Variants in R3HCC1L observed in about 807,000 individuals in gnomAD.
The protein encoded by R3HCC1L is coiled-coil domain-containing protein R3HCC1L.
R3HCC1L carries 51 observed loss-of-function variants against 59.9 expected under a neutral mutation model. The observed-to-expected ratio is 0.85, with a 90% CI of 0.68 to 1.07. The LOEUF (loss-of-function observed/expected upper bound fraction) is 1.07, where lower values mean the gene tolerates loss of function less well. Ranked by LOEUF, R3HCC1L falls within the 50% of genes least tolerant of loss-of-function variation. R3HCC1L has a pLI of 0.00. For missense variants in R3HCC1L, 965 were observed against 933.0 expected, an observed-to-expected ratio of 1.03 and a Z score of -0.45; for synonymous variants, 322 against 315.2, an observed-to-expected ratio of 1.02 and a Z score of -0.23.
At chr10:98,191,992 T>G (rs759714444) in intron 4 of R3HCC1L, among the ~76,000 whole-genome samples, 11 of 152,126 alleles carry the variant, frequency 7.2e-5, no homozygotes, top group Non-Finnish European at 1.5e-4. Flanking sequence ...GCCTGGCTAA[T>G]TTTTGTACCT....
At chr10:98,149,926 A>G (rs947784268) in intron 1 of R3HCC1L, among the ~76,000 whole-genome samples, 3 of 152,082 alleles carry the variant, frequency 2.0e-5, no homozygotes, top group South Asian at 2.1e-4. Flanking sequence ...GAAGACCCCT[A>G]TTGTTACTGT....
intron 7 of R3HCC1L, 82 bp from the exon 8 acceptor site, chr10:98,235,343 G>A: frequency 1.7e-6 from 2 of 1,167,232 alleles, no homozygotes; most frequent in African/African-American, 1.5e-5. Context: ...ATAACATCTA[G>A]GAAATACTAA....
intron 1 of R3HCC1L, among the ~76,000 whole-genome samples, chr10:98,141,118 C>G (rs1845096251): frequency 6.6e-6 from 1 of 152,102 alleles, no homozygotes; most frequent in Non-Finnish European, 1.5e-5. Context: ...GATGCTGTAA[C>G]TATTTGTGGC....
In R3HCC1L at chr10:98,208,288, A is replaced by C; in HGVS notation, c.174A>C (p.Gln58His). The C allele has an allele frequency of 5.6e-6, 9 of 1,614,164 alleles. No homozygotes were observed. Among genetic ancestry groups the C allele is most frequent in the Non-Finnish European group, 7.6e-6 (9 of 1,180,020 alleles). Residue 58 changes from glutamine to histidine, a missense_variant, in exon 5 of 10, where the codon CAA (glutamine) becomes CAC (histidine). Transcript: ENST00000298999. ...KEKQKESSLS[Q>H]KEVFKDKPEA... ...AGCAAAAAGAAAGTTCTCTCTCCCA[A>C]AAAGAAGTCTTTAAAGACAAACCGG...
intron 4 of R3HCC1L, among the ~76,000 whole-genome samples, chr10:98,164,872 C>G (rs754919883): frequency 6.6e-6 from 1 of 152,206 alleles, no homozygotes; most frequent in East Asian, 1.9e-4. Context: ...TTGTTGGGTT[C>G]TGCTAATACA....
chr10:98,215,006 G>T (rs1854004757), intron 5 of R3HCC1L, among the ~76,000 whole-genome samples: 1 of 152,190 alleles, frequency 6.6e-6, no homozygotes, highest in Non-Finnish European at 1.5e-5. Flanking sequence ...GCTAAAGTAA[G>T]TTCATGCCAG....
chr10:98,154,178 T>C (rs372224720), intron 1 of R3HCC1L, among the ~76,000 whole-genome samples: 1 of 13,856 alleles, frequency 7.2e-5, no homozygotes, highest in African/African-American at 3.4e-4. Context: ...GAGCAGAGAA[T>C]AAGCAAAAAA....
chr10:98,236,154 A>T lies in R3HCC1L; in HGVS notation c.2259A>T (p.Gln753His), dbSNP rs764696583. ...GAGAAGCAGAGCTCAAGAAACTGCAAGAAGCCAGAGGTGAGCTGAAAGGGT... is the reference window on the plus strand; with the variant it reads ...GAGAAGCAGAGCTCAAGAAACTGCATGAAGCCAGAGGTGAGCTGAAAGGGT... ...TEREAELKKL[Q>H]EARERKRLEA... The change falls in exon 9 of 10, where the codon CAA becomes CAT. Residue 753 changes from glutamine to histidine, a missense_variant. By Grantham distance (24) the Gln-to-His change is conservative (BLOSUM62 0). Transcript: ENST00000298999. The T allele has an allele frequency of 6.2e-7, 1 of 1,613,814 alleles. No individual in the cohort carries two copies. The highest frequency in any genetic ancestry group is 1.1e-5 in the South Asian group (1 of 91,078).
chr10:98,235,920 C>T, intron 8 of R3HCC1L, 104 bp from the exon 9 acceptor site: 1 of 1,284,560 alleles, frequency 7.8e-7, no homozygotes. Flanking sequence ...CTGATGCAGC[C>T]CTTGTTAGTC....
intron 4 of R3HCC1L, among the ~76,000 whole-genome samples, chr10:98,167,161 A>G (rs1848035784): frequency 6.6e-6 from 1 of 151,962 alleles, no homozygotes; most frequent in Non-Finnish European, 1.5e-5. Flanking sequence ...CGTTCAGGAC[A>G]TGATTCTTCT....
At chr10:98,183,710 C>G (rs1363759360) in intron 4 of R3HCC1L, among the ~76,000 whole-genome samples, 1 of 151,972 alleles carries the variant, frequency 6.6e-6, no homozygotes, top group Non-Finnish European at 1.5e-5. Context: ...CTGAGACTGT[C>G]TTGGTCTTCT....
Position 98,209,739 on chromosome 10 carries a change from G to A in R3HCC1L, c.1625G>A (p.Gly542Asp). Residue 542 changes from glycine to aspartate, a missense_variant, in exon 5 of 10, where the codon GGT (glycine) becomes GAT (aspartate). Physicochemically the swap from Gly to Asp is moderately conservative, Grantham distance 94. Coordinates refer to ENST00000298999, the MANE Select transcript of R3HCC1L (RefSeq NM_001351015.2). ...GATGACTCAGGGAGTATAGAATTTG[G>A]TGTATCTTTTCCTGATAGGGAATCA... ...EQDDSGSIEFGVSFPDRESSS... is the reference protein window; with the variant it reads ...EQDDSGSIEFDVSFPDRESSS... 1 of 1,613,870 alleles carries A rather than the reference G, an allele frequency of 6.2e-7. No individual in the cohort carries two copies. The highest frequency in any genetic ancestry group is 8.5e-7 in the Non-Finnish European group (1 of 1,179,878).
intron 1 of R3HCC1L, among the ~76,000 whole-genome samples, chr10:98,141,584 T>C (rs1845142193): frequency 2.6e-5 from 4 of 152,222 alleles, no homozygotes; most frequent in Admixed American, 2.0e-4. Context: ...TCTGCACAGA[T>C]GGCTTGCTTA....
At chr10:98,187,717 A>T (rs1003652264) in intron 4 of R3HCC1L, among the ~76,000 whole-genome samples, 3 of 150,906 alleles carry the variant, frequency 2.0e-5, no homozygotes, top group African/African-American at 7.3e-5. Context: ...CAAACAGATA[A>T]GATGTAACAA....
chr10:98,145,774 C>T (rs986848178), intron 1 of R3HCC1L, among the ~76,000 whole-genome samples: 1 of 152,038 alleles, frequency 6.6e-6, no homozygotes, highest in African/African-American at 2.4e-5. Context: ...CATGATGGAA[C>T]CCTGTCTGTA....
chr10:98,144,087 G>A (rs1357368908), intron 1 of R3HCC1L, among the ~76,000 whole-genome samples: 1 of 152,108 alleles, frequency 6.6e-6, no homozygotes, highest in African/African-American at 2.4e-5. Flanking sequence ...CAAGAAGATT[G>A]CTTGAGCTCA....
At position 98,234,492 on chromosome 10, in the gene R3HCC1L, G is replaced by A; in HGVS notation, c.2008G>A (p.Gly670Arg). 1 of 1,613,420 alleles carries A rather than the reference G, an allele frequency of 6.2e-7. No homozygotes were observed. The highest frequency in any genetic ancestry group is 1.7e-4 in the Middle Eastern group (1 of 5,992). The change falls in exon 7 of 10, where the codon GGA becomes AGA. Residue 670 changes from glycine to arginine, a missense_variant. Physicochemically the swap from Gly to Arg is moderately radical, Grantham distance 125. Transcript: ENST00000298999. Reference protein sequence around the residue: ...IKWVDDTHALGVFSSPITARD... With the variant: ...IKWVDDTHALRVFSSPITARD... The stretch of plus-strand genomic sequence containing the variant: ...ATGGGTGGATGATACACATGCCCTA[G>A]GAGTATTCTCCAGTCCAATTACAGG...
intron 5 of R3HCC1L, among the ~76,000 whole-genome samples, chr10:98,228,768 T>TAAGGAAGAGATCCAGTTTCAGC (rs1460263415): frequency 6.6e-6 from 1 of 152,212 alleles, no homozygotes; most frequent in Non-Finnish European, 1.5e-5. Context: ...GTATAAGGTG[T>TAAGGAAGAGATCCAGTTTCAGC]AAGGAAGAGA....
intron 5 of R3HCC1L, among the ~76,000 whole-genome samples, chr10:98,212,406 T>C (rs923161687): frequency 6.6e-6 from 1 of 152,184 alleles, no homozygotes; most frequent in Non-Finnish European, 1.5e-5. Flanking sequence ...AATAGTCAGG[T>C]ATGCTGTAGA....
Sources: allele counts gnomAD v4.1 joint callset (sites outside exome capture counted in the v4.1 genomes callset), GRCh38; gene constraint gnomAD v4.1.1; transcripts MANE v1.5; gene names NCBI Gene and HGNC (gene_info 2026-07-23, HGNC 2026-07-21).